The following OXSR1 variants were observed in gnomAD, a reference collection of about 807,000 sequenced individuals.
OXSR1 encodes serine/threonine-protein kinase OSR1.
Under a neutral mutation model 79.8 loss-of-function variants are expected in OXSR1, and 24 were observed. The observed-to-expected ratio is 0.30, with a 90% confidence interval of 0.22 to 0.42. OXSR1 has a LOEUF of 0.42. OXSR1 is among the 10% of genes least tolerant of loss of function. OXSR1 has a pLI of 1.00. For synonymous variants in OXSR1, 226 were observed against 209.2 expected (o/e 1.08, Z -0.69); for missense variants, 430 against 618.4 (o/e 0.70, Z 3.23).
At chr3:38,232,688 G>C (rs1160259618) in intron 10 of OXSR1, among the ~76,000 whole-genome samples, 1 of 152,048 alleles carries the variant, frequency 6.6e-6, no homozygotes, top group Non-Finnish European at 1.5e-5. Flanking sequence ...TGAGCCTGCA[G>C]GGCAGAGGTT....
At position 38,165,912 on chromosome 3, in the gene OXSR1, C is replaced by T. The variant is rs1379331605; in HGVS notation, c.36C>T (p.Ile12=). Residue 12 remains isoleucine, a synonymous_variant, in exon 1 of 18, where the codon ATC becomes ATT. Transcript: ENST00000311806. ...ACTCGAGCGCCCTGCCCTGGTCCATCAACAGGGACGATTACGAGCTGCAGG... is the reference window on the plus strand; with the variant it reads ...ACTCGAGCGCCCTGCCCTGGTCCATTAACAGGGACGATTACGAGCTGCAGG... ...SEDSSALPWS[I]NRDDYELQEV... The T allele has an allele frequency of 1.2e-6, 2 of 1,611,920 alleles. No individual in the cohort carries two copies. The highest frequency in any genetic ancestry group is 2.2e-5 in the East Asian group (1 of 44,820).
intron 1 of OXSR1, among the ~76,000 whole-genome samples, chr3:38,173,039 C>T (rs1701611916): frequency 6.6e-6 from 1 of 152,202 alleles, no homozygotes. Context: ...AGACACATGA[C>T]AGCTGAGTTG....
intron 15 of OXSR1, 113 bp downstream of exon 15, chr3:38,250,131 T>A (rs1703225963): frequency 5.2e-6 from 4 of 762,382 alleles, no homozygotes; most frequent in Non-Finnish European, 8.9e-6. Flanking sequence ...TAATAAAAAT[T>A]TTCCTGGTTT....
intron 11 of OXSR1, among the ~76,000 whole-genome samples, chr3:38,239,864 A>T (rs1049029899): frequency 1.3e-5 from 2 of 152,314 alleles, no homozygotes; most frequent in African/African-American, 4.8e-5. Context: ...CCTGTGCCAC[A>T]GCTTGGAAGC....
At chr3:38,183,517 T>C (rs745566465) in intron 2 of OXSR1, among the ~76,000 whole-genome samples, 2 of 152,226 alleles carry the variant, frequency 1.3e-5, no homozygotes, top group Non-Finnish European at 2.9e-5. Flanking sequence ...TATTTGCTAA[T>C]TACTTTGTTT....
Position 38,165,696 on chromosome 3 carries a change from C to T in OXSR1, c.-181C>T. 1.8e-6 allele frequency: 1 copy of T among 555,550 alleles called. No homozygotes were observed. Among genetic ancestry groups the T allele is most frequent in the Non-Finnish European group, 3.1e-6 (1 of 318,030 alleles). The allele number at this position is 555,550 out of a possible 1,614,324, so 34.4% of individuals were successfully genotyped here. The stretch of plus-strand genomic sequence containing the variant: ...GGCGAGGTCCGCCGGAGCTCTGAGC[C>T]CCCGCTGCTCTGCCGCGCGGTGACC... On this transcript the variant is annotated 5_prime_UTR_variant, in exon 1 of 18. Coordinates refer to ENST00000311806, the MANE Select transcript of OXSR1 (RefSeq NM_005109.3).
intron 1 of OXSR1, among the ~76,000 whole-genome samples, chr3:38,167,184 A>C (rs564526931): frequency 1.3e-5 from 2 of 152,328 alleles, no homozygotes; most frequent in African/African-American, 4.8e-5. Flanking sequence ...ACGTGATCCG[A>C]TAAATTGGGC....
intron 5 of OXSR1, 33 bp downstream of exon 5, chr3:38,216,184 A>G: frequency 1.5e-6 from 2 of 1,310,074 alleles, no homozygotes; most frequent in Admixed American, 1.9e-5. Flanking sequence ...ATTTGATTTA[A>G]TGGTCAGTAG....
chr3:38,179,954 G>A (rs1233496129), intron 1 of OXSR1, among the ~76,000 whole-genome samples: 1 of 152,096 alleles, frequency 6.6e-6, no homozygotes, highest in African/African-American at 2.4e-5. Flanking sequence ...GACTACAGGC[G>A]TGTGCCCCCA....
Position 38,190,729 on chromosome 3 carries a change from A to T in OXSR1, c.184-2A>T. 1 of 1,491,988 alleles carries T rather than the reference A, an allele frequency of 6.7e-7. No individual in the cohort carries two copies. Among genetic ancestry groups the T allele is most frequent in the Non-Finnish European group, 9.3e-7 (1 of 1,069,976 alleles). 92.4% of individuals were successfully genotyped at this position (1,491,988 alleles called of 1,614,324 possible). On this transcript the variant is annotated splice_acceptor_variant, in intron 2 of 17. Coordinates refer to ENST00000311806, the MANE Select transcript of OXSR1 (RefSeq NM_005109.3). LOFTEE classifies it high-confidence loss of function. The stretch of plus-strand genomic sequence containing the variant: ...AATTATTATGTTTTCTCTTCTTTGT[A>T]GAAAGAAATTCAAGCCATGAGTCAA...
At chr3:38,177,248 G>A (rs959748971) in intron 1 of OXSR1, among the ~76,000 whole-genome samples, 7 of 152,188 alleles carry the variant, frequency 4.6e-5, no homozygotes, top group African/African-American at 7.2e-5. Flanking sequence ...GTCAGCCAGT[G>A]GCCTCTCACT....
chr3:38,235,829 A>G (rs947858356), intron 10 of OXSR1, among the ~76,000 whole-genome samples: 2 of 152,224 alleles, frequency 1.3e-5, no homozygotes, highest in Non-Finnish European at 2.9e-5. Flanking sequence ...AGATAAGTTC[A>G]GAAATGCATG....
intron 12 of OXSR1, among the ~76,000 whole-genome samples, chr3:38,244,332 A>C (rs1257335967): frequency 6.6e-6 from 1 of 152,192 alleles, no homozygotes; most frequent in Non-Finnish European, 1.5e-5. Context: ...TATATAGTCC[A>C]GTGGTATTAA....
Position 38,223,872 on chromosome 3 carries a change from G to C in OXSR1, c.661G>C (p.Ala221Pro). ...TTTTGGAATTACAGCAATTGAATTGGCTACAGGGGCGGCTCCTTATCATAA... is the reference window on the plus strand; with the variant it reads ...TTTTGGAATTACAGCAATTGAATTGCCTACAGGGGCGGCTCCTTATCATAA... ...WSFGITAIEL[A>P]TGAAPYHKYP... The change falls in exon 7 of 18, where the codon GCT becomes CCT. Residue 221 changes from alanine (A) to proline (P), a missense_variant. Ala to Pro is a conservative substitution (Grantham distance 27). This residue lies in a region of OXSR1 where 276 missense variants were observed against 354.2 expected (regional missense o/e 0.78). Coordinates refer to ENST00000311806, the MANE Select transcript of OXSR1 (RefSeq NM_005109.3). The C allele has an allele frequency of 6.2e-7, 1 of 1,609,010 alleles. No homozygotes were observed. The highest frequency in any genetic ancestry group is 8.5e-7 in the Non-Finnish European group (1 of 1,176,932).
chr3:38,193,109 C>T (rs960295994), intron 3 of OXSR1, among the ~76,000 whole-genome samples: 1 of 152,156 alleles, frequency 6.6e-6, no homozygotes, highest in Non-Finnish European at 1.5e-5. Flanking sequence ...GGTTACCTTT[C>T]TGCATTTCAG....
At position 38,216,090 on chromosome 3, in the gene OXSR1, TTA is replaced by T; in HGVS notation, c.435-5_435-4del. The T allele has an allele frequency of 5.7e-6, 9 of 1,571,414 alleles. No homozygotes were observed. Among genetic ancestry groups the T allele is most frequent in the East Asian group, 2.2e-5 (1 of 44,516 alleles). ...TTGATACATAACTTTTTTTTTTTTTTTAAAGAGATGTGAAAGCTGGAAACATT... is the reference window on the plus strand; with the variant it reads ...TTGATACATAACTTTTTTTTTTTTTTAAGAGATGTGAAAGCTGGAAACATT... On this transcript the variant is annotated splice_region_variant and splice_polypyrimidine_tract_variant and intron_variant, in intron 4 of 17. Transcript: ENST00000311806.
chr3:38,171,477 C>T (rs1216791742), intron 1 of OXSR1, among the ~76,000 whole-genome samples: 1 of 152,138 alleles, frequency 6.6e-6, no homozygotes, highest in African/African-American at 2.4e-5. Flanking sequence ...AAAACACGTA[C>T]ATTTATTTGA....
intron 14 of OXSR1, among the ~76,000 whole-genome samples, chr3:38,249,397 TCTGC>T (rs1208128654): frequency 6.6e-6 from 1 of 152,180 alleles, no homozygotes. Flanking sequence ...CCCTATCCTC[TCTGC>T]CTACCTAAAT....
intron 4 of OXSR1, among the ~76,000 whole-genome samples, chr3:38,199,148 C>G (rs1377201668): frequency 6.6e-6 from 1 of 152,104 alleles, no homozygotes; most frequent in Non-Finnish European, 1.5e-5. Context: ...TAAAAAATAT[C>G]TAAAACAATA....
Sources: allele counts gnomAD v4.1 joint callset (sites outside exome capture counted in the v4.1 genomes callset), GRCh38; gene constraint gnomAD v4.1.1; regional missense constraint gnomAD v4.1.1; transcripts MANE v1.5; gene names NCBI Gene and HGNC (gene_info 2026-07-23, HGNC 2026-07-21).